Variants in AP1G1 observed in about 807,000 individuals in gnomAD.
AP1G1 encodes the protein AP-1 complex subunit gamma-1.
Under a neutral mutation model 108.3 loss-of-function variants are expected in AP1G1, and 7 were observed. The observed-to-expected ratio is 0.06, with a 90% CI of 0.04 to 0.12. AP1G1 has a LOEUF of 0.12. Ranked by LOEUF, AP1G1 falls within the 10% of genes least tolerant of loss-of-function variation. AP1G1 has a pLI of 1.00. For missense variants in AP1G1, 756 were observed against 1,010.7 expected (o/e 0.75, Z 3.42); for synonymous variants, 379 against 353.5 (o/e 1.07, Z -0.81).
chr16:71,780,883 G>GT (rs1402633278), intron 2 of AP1G1, among the ~76,000 whole-genome samples: 11 of 149,408 alleles, frequency 7.4e-5, no homozygotes, highest in Admixed American at 1.3e-4. Flanking sequence ...GGGTTTCACC[G>GT]TATTGCCCTG....
intron 9 of AP1G1, among the ~76,000 whole-genome samples, chr16:71,761,973 A>G (rs116269142): frequency 6.6e-6 from 1 of 152,276 alleles, no homozygotes; most frequent in African/African-American, 2.4e-5. Context: ...AAATCTGGCA[A>G]TAACTATATT....
At chr16:71,746,775 T>G in intron 16 of AP1G1, 83 bp from the exon 17 acceptor site, 2 of 1,032,274 alleles carry the variant, frequency 1.9e-6, no homozygotes. Context: ...AAGCCAGAAT[T>G]TTCTGGTTAA....
At chr16:71,800,417 C>A (rs1567665647) in intron 1 of AP1G1, among the ~76,000 whole-genome samples, 1 of 149,996 alleles carries the variant, frequency 6.7e-6, no homozygotes. Context: ...CACGGTGGCT[C>A]ACACCTGTAA....
chr16:71,781,828 T>G (rs1160023388), intron 2 of AP1G1, among the ~76,000 whole-genome samples: 1 of 152,208 alleles, frequency 6.6e-6, no homozygotes, highest in African/African-American at 2.4e-5. Context: ...ACTGGAAAAT[T>G]TATCTAGGTT....
At chr16:71,780,497 T>TA (rs537929533) in intron 2 of AP1G1, among the ~76,000 whole-genome samples, 46,025 of 129,598 alleles carry the variant, frequency 0.36, 7,979 homozygotes, top group South Asian at 0.58. Flanking sequence ...TCTCTTAATT[T>TA]AAAAAAAAAA....
intron 2 of AP1G1, among the ~76,000 whole-genome samples, chr16:71,780,039 G>C (rs2031950160): frequency 6.7e-6 from 1 of 149,862 alleles, no homozygotes; most frequent in South Asian, 2.1e-4. Flanking sequence ...TGTCACCCAG[G>C]CTGGGGTGCA....
chr16:71,756,273 C>T, intron 11 of AP1G1, 114 bp from the exon 12 acceptor site: 1 of 842,442 alleles, frequency 1.2e-6, no homozygotes, highest in African/African-American at 1.7e-5. Context: ...GACGTCCTTG[C>T]ACGATCTTGT....
At chr16:71,755,548 G>C (rs138432953) in intron 12 of AP1G1, among the ~76,000 whole-genome samples, 1 of 152,204 alleles carries the variant, frequency 6.6e-6, no homozygotes, top group Admixed American at 6.5e-5. Flanking sequence ...ATATTTAAAT[G>C]CTGGCTATAA....
chr16:71,792,154 T>C (rs1301517626), intron 1 of AP1G1, among the ~76,000 whole-genome samples: 1 of 151,980 alleles, frequency 6.6e-6, no homozygotes, highest in East Asian at 1.9e-4. Flanking sequence ...ACGTGAACTA[T>C]GGGGGATGGA....
intron 1 of AP1G1, chr16:71,808,225 A>C: frequency 9.3e-7 from 1 of 1,071,638 alleles, no homozygotes; most frequent in Non-Finnish European, 1.2e-6. Context: ...CACACACACG[A>C]AAAATTGGGA....
chr16:71,750,065 TA>T, intron 14 of AP1G1, 82 bp from the exon 15 acceptor site: 1 of 1,485,930 alleles, frequency 6.7e-7, no homozygotes, highest in South Asian at 1.1e-5. Context: ...CATCTCATAA[TA>T]AAGATCAAAA....
chr16:71,803,153 G>GT (rs1448842951), intron 1 of AP1G1, among the ~76,000 whole-genome samples: 1 of 151,924 alleles, frequency 6.6e-6, no homozygotes, highest in African/African-American at 2.4e-5. Context: ...GGTAGAGGCT[G>GT]TAGTAAGCTG....
intron 13 of AP1G1, 114 bp downstream of exon 13, chr16:71,753,719 T>G: frequency 1.1e-6 from 1 of 886,408 alleles, no homozygotes; most frequent in Admixed American, 2.0e-5. Context: ...TAACTGACAT[T>G]AATGTTACCT....
At chr16:71,775,372 T>C (rs769944056) in intron 2 of AP1G1, among the ~76,000 whole-genome samples, 2 of 152,128 alleles carry the variant, frequency 1.3e-5, no homozygotes, top group Non-Finnish European at 1.5e-5. Context: ...ATTTAAGACC[T>C]TTGGATATCT....
rs111430948 is a variant in AP1G1 at position 71,772,006 on chromosome 16, C to T, written c.469-754G>A. 3.3e-3 allele frequency among the ~76,000 whole-genome samples: 500 copies of T among 152,144 alleles called. 4 individuals are homozygous for T. Among genetic ancestry groups the T allele is most frequent in the African/African-American group, 0.011 (476 of 41,514 alleles). On this transcript the variant is annotated intron_variant, in intron 4 of 22. Transcript: ENST00000299980. ...TTAAACACTGATTTTTGTATATCCC[C>T]CAAAGTAACTATAACTACTATATGT...
Position 71,773,993 on chromosome 16 carries a change from C to T in AP1G1, c.326+475G>A, listed in dbSNP as rs901010731. 2.7e-5 allele frequency among the ~76,000 whole-genome samples: 4 copies of T among 148,600 alleles called. No individual in the cohort carries two copies. The South Asian group carries it at 8.9e-4, about 33-fold the overall frequency. On this transcript the variant is annotated intron_variant, in intron 3 of 22. Coordinates refer to ENST00000299980, the MANE Select transcript of AP1G1 (RefSeq NM_001128.6). ...CCACATTGGCCAGGCTGGTCTTGAA[C>T]TCCTGACCTCGTGATCTGAGATCAC...
intron 5 of AP1G1, among the ~76,000 whole-genome samples, chr16:71,770,119 A>C (rs1205622891): frequency 3.9e-5 from 6 of 152,236 alleles, no homozygotes; most frequent in Non-Finnish European, 8.8e-5. Flanking sequence ...AAACGCATCA[A>C]AACTCTGAGA....
intron 6 of AP1G1, among the ~76,000 whole-genome samples, chr16:71,769,318 C>A (rs2031475725): frequency 6.6e-6 from 1 of 151,848 alleles, no homozygotes; most frequent in African/African-American, 2.4e-5. Flanking sequence ...ACTCCTATTT[C>A]TAATTTGACC....
At position 71,729,316 on chromosome 16, in the gene AP1G1, T is replaced by C. The variant is rs747396770; in HGVS notation, c.*3742A>G. ...ACACTAAGAAAGAAAAGGGCCTTTA[T>C]AGGAACACAGTGGGAGTTCATAAAG... On this transcript the variant is annotated 3_prime_UTR_variant, in exon 23 of 23. Coordinates refer to ENST00000299980, the MANE Select transcript of AP1G1 (RefSeq NM_001128.6). The C allele has an allele frequency of 4.6e-5, 7 of 151,530 alleles. No individual in the cohort carries two copies. The highest frequency in any genetic ancestry group is 8.8e-5 in the Non-Finnish European group (6 of 67,916). 9.4% of individuals were successfully genotyped at this position (151,530 alleles called of 1,614,324 possible).
Sources: allele counts gnomAD v4.1 joint callset (sites outside exome capture counted in the v4.1 genomes callset), GRCh38; gene constraint gnomAD v4.1.1; transcripts MANE v1.5; gene names NCBI Gene and HGNC (gene_info 2026-07-23, HGNC 2026-07-21).